Variants in SLC35F6 observed in about 807,000 individuals in gnomAD.
The protein encoded by SLC35F6 is solute carrier family 35 member F6.
Under a neutral mutation model 29.4 loss-of-function variants are expected in SLC35F6, and 26 were observed. That is an observed-to-expected ratio of 0.89 (90% CI 0.65 to 1.23). SLC35F6 has a LOEUF of 1.23. Among genes scored for constraint, SLC35F6 ranks in the 50% most tolerant of loss-of-function variants. SLC35F6 has a pLI of 0.00. For synonymous variants in SLC35F6, 174 were observed against 206.6 expected (o/e 0.84, Z 1.35); for missense variants, 428 against 487.8 (o/e 0.88, Z 1.15).
At chr2:26,777,448 GC>G (rs1664321702) in intron 5 of SLC35F6, among the ~76,000 whole-genome samples, 1 of 152,182 alleles carries the variant, frequency 6.6e-6, no homozygotes, top group South Asian at 2.1e-4. Flanking sequence ...CTCTTGTCTG[GC>G]CCCCGGTGAG....
chr2:26,767,768 A>C (rs1664122229), intron 1 of SLC35F6, among the ~76,000 whole-genome samples: 1 of 152,140 alleles, frequency 6.6e-6, no homozygotes, highest in Non-Finnish European at 1.5e-5. Flanking sequence ...CCCAGACTGG[A>C]GGCTGAGGTG....
intron 1 of SLC35F6, among the ~76,000 whole-genome samples, chr2:26,767,709 A>G (rs1307917362): frequency 1.3e-5 from 2 of 152,200 alleles, no homozygotes; most frequent in African/African-American, 4.8e-5. Context: ...CTGAGGTTCT[A>G]CATATGAAGA....
chr2:26,776,403 C>T lies in SLC35F6; in HGVS notation c.567C>T (p.Ile189=), dbSNP rs751199006. The part of the protein sequence containing the change: ...GDLLIIMAQI[I]VAIQMVLEEK... ...TGTTGATCATCATGGCCCAGATCAT[C>T]GTTGCCATCCAGATGGTGCTAGAGG... The change falls in exon 5 of 6, where the codon ATC becomes ATT. Residue 189 remains isoleucine, a synonymous_variant. Coordinates refer to ENST00000344420, the MANE Select transcript of SLC35F6 (RefSeq NM_017877.4). 8 of 1,614,072 alleles carry T rather than the reference C, an allele frequency of 5.0e-6. No homozygotes were observed. The highest frequency in any genetic ancestry group is 4.0e-5 in the African/African-American group (3 of 74,928).
At chr2:26,769,486 A>C (rs1178831713) in intron 1 of SLC35F6, among the ~76,000 whole-genome samples, 1 of 152,220 alleles carries the variant, frequency 6.6e-6, no homozygotes, top group Non-Finnish European at 1.5e-5. Context: ...TCAGAGCATC[A>C]GGGAGGGGGC....
chr2:26,765,208 A>C (rs1389926391), intron 1 of SLC35F6, among the ~76,000 whole-genome samples: 3 of 152,230 alleles, frequency 2.0e-5, no homozygotes, highest in Non-Finnish European at 4.4e-5. Context: ...GTGAATGGCC[A>C]CAGGCCTGAC....
At chr2:26,766,120 C>T (rs1455385180) in intron 1 of SLC35F6, among the ~76,000 whole-genome samples, 3 of 152,204 alleles carry the variant, frequency 2.0e-5, no homozygotes, top group African/African-American at 4.8e-5. Context: ...ACAGACCCAA[C>T]TTTTGGTCCT....
At chr2:26,769,401 G>A (rs965654427) in intron 1 of SLC35F6, among the ~76,000 whole-genome samples, 3 of 152,224 alleles carry the variant, frequency 2.0e-5, no homozygotes, top group Admixed American at 2.0e-4. Flanking sequence ...CAGTGTCTGT[G>A]GAGAAGACAG....
intron 1 of SLC35F6, chr2:26,765,108 C>G (rs879376007): frequency 1.5e-6 from 1 of 658,102 alleles, no homozygotes; most frequent in Admixed American, 6.3e-5. Flanking sequence ...CAGGAAAAAC[C>G]ACTCCAAGGC....
intron 1 of SLC35F6, among the ~76,000 whole-genome samples, chr2:26,773,516 A>AG (rs1425527559): frequency 1.3e-5 from 2 of 151,720 alleles, no homozygotes; most frequent in Non-Finnish European, 2.9e-5. Context: ...AAAAAAAAAA[A>AG]AAAGACCAAG....
Position 26,778,320 on chromosome 2 carries a change from G to T in SLC35F6, c.925G>T (p.Ala309Ser), listed in dbSNP as rs755280937. Reference protein sequence around the residue: ...RTVVIWALSLALGWEAFHALQ... With the variant: ...RTVVIWALSLSLGWEAFHALQ... ...CGTTGTCATCTGGGCACTGAGCCTGGCACTGGGCTGGGAGGCCTTCCATGC... is the reference window on the plus strand; with the variant it reads ...CGTTGTCATCTGGGCACTGAGCCTGTCACTGGGCTGGGAGGCCTTCCATGC... Residue 309 changes from alanine (A) to serine (S), a missense_variant, in exon 6 of 6, where the codon GCA (alanine) becomes TCA (serine). Coordinates refer to ENST00000344420, the MANE Select transcript of SLC35F6 (RefSeq NM_017877.4). 27 of 1,614,062 alleles carry T rather than the reference G, an allele frequency of 1.7e-5. 1 individual carries two copies. The Middle Eastern group carries it at 6.6e-4, about 39-fold the overall frequency.
chr2:26,774,461 T>G, intron 2 of SLC35F6, 138 bp downstream of exon 2: 1 of 917,100 alleles, frequency 1.1e-6, no homozygotes, highest in Non-Finnish European at 1.6e-6. Context: ...ACTTCTCTCT[T>G]TCCCTCCCCA....
chr2:26,768,608 C>G (rs1455123404), intron 1 of SLC35F6, among the ~76,000 whole-genome samples: 2 of 151,156 alleles, frequency 1.3e-5, no homozygotes. Context: ...TCGCCCATCT[C>G]GGCCTCCCAA....
rs573611246 is a variant in SLC35F6, at chr2:26,779,337, A to T, written c.*826A>T. 1 of 152,258 alleles carries T rather than the reference A, an allele frequency of 6.6e-6. No homozygotes were observed. The highest frequency in any genetic ancestry group is 1.9e-4 in the East Asian group (1 of 5,190). The allele number at this position is 152,258 out of a possible 1,614,324, so 9.4% of individuals were successfully genotyped here. Reference sequence around the variant, plus strand: ...TCAAACTCATTGTAGCTCCCAGCACATTACCCAGTTGCTCTGGGCCTTGGT... The same window carrying T: ...TCAAACTCATTGTAGCTCCCAGCACTTTACCCAGTTGCTCTGGGCCTTGGT... On this transcript the variant is annotated 3_prime_UTR_variant, in exon 6 of 6. Coordinates refer to ENST00000344420, the MANE Select transcript of SLC35F6 (RefSeq NM_017877.4).
intron 1 of SLC35F6, chr2:26,765,040 G>C (rs1254146890): frequency 3.1e-6 from 3 of 980,082 alleles, no homozygotes; most frequent in African/African-American, 1.7e-5. Context: ...TTTTGAGCTG[G>C]GGAATGACAT....
At chr2:26,767,525 T>C (rs980671480) in intron 1 of SLC35F6, among the ~76,000 whole-genome samples, 1 of 152,248 alleles carries the variant, frequency 6.6e-6, no homozygotes, top group Non-Finnish European at 1.5e-5. Context: ...CCCTGGGTCC[T>C]GGCAGGGGGC....
chr2:26,764,435 G>A lies in SLC35F6; in HGVS notation c.77+9G>A, dbSNP rs1664057208. The A allele has an allele frequency of 6.4e-7, 1 of 1,550,690 alleles. No individual in the cohort carries two copies. The highest frequency in any genetic ancestry group is 8.7e-7 in the Non-Finnish European group (1 of 1,146,840). ...AACACGCTCTCGGCAAAGTGAGTCT[G>A]GGCCCTGCCGGGCGTGCGGGCCCTG... On this transcript the variant is annotated intron_variant, in intron 1 of 5. Coordinates refer to ENST00000344420, the MANE Select transcript of SLC35F6 (RefSeq NM_017877.4).
Position 26,778,513 on chromosome 2 carries a change from G to A in SLC35F6, c.*2G>A, listed in dbSNP as rs766437801. 3 of 1,587,406 alleles carry A rather than the reference G, an allele frequency of 1.9e-6. No individual in the cohort carries two copies. Among genetic ancestry groups the A allele is most frequent in the East Asian group, 4.5e-5 (2 of 44,602 alleles). On this transcript the variant is annotated 3_prime_UTR_variant, in exon 6 of 6. Coordinates refer to ENST00000344420, the MANE Select transcript of SLC35F6 (RefSeq NM_017877.4). The stretch of plus-strand genomic sequence containing the variant: ...ACTCCCATCAATGATGCCAGCTGAG[G>A]TTCCCTGGAGGCTTCTACTGCCACC...
chr2:26,773,197 G>T (rs1018104407), intron 1 of SLC35F6, among the ~76,000 whole-genome samples: 3 of 152,086 alleles, frequency 2.0e-5, no homozygotes, highest in Non-Finnish European at 4.4e-5. Context: ...GTTTTAAAAC[G>T]TGTAAATAAG....
At chr2:26,776,751 C>T (rs935309089) in intron 5 of SLC35F6, among the ~76,000 whole-genome samples, 1 of 152,192 alleles carries the variant, frequency 6.6e-6, no homozygotes, top group African/African-American at 2.4e-5. Context: ...ACCACTTGTG[C>T]TCAACTGATG....
Sources: allele counts gnomAD v4.1 joint callset (sites outside exome capture counted in the v4.1 genomes callset), GRCh38; gene constraint gnomAD v4.1.1; transcripts MANE v1.5; gene names NCBI Gene and HGNC (gene_info 2026-07-23, HGNC 2026-07-21).